CCDC97: variants seen among roughly 807,000 people sequenced by gnomAD.
CCDC97 encodes the protein coiled-coil domain-containing protein 97.
A neutral mutation model predicts 33.9 loss-of-function variants in CCDC97; 27 were observed. The observed-to-expected ratio is 0.80, with a 90% CI of 0.59 to 1.10. The LOEUF is 1.10. Among genes scored for constraint, CCDC97 ranks in the 50% least tolerant of loss-of-function variants. The probability of loss-of-function intolerance (pLI) is 0.00; values close to 1 mark genes in which losing one functional copy is unlikely to be tolerated. For missense variants in CCDC97, 422 were observed against 476.6 expected (o/e 0.89, Z 1.07); for synonymous variants, 217 against 194.0 (o/e 1.12, Z -0.99).
intron 2 of CCDC97, among the ~76,000 whole-genome samples, chr19:41,317,785 C>T (rs920337770): frequency 1.1e-4 from 16 of 150,034 alleles, no homozygotes; most frequent in African/African-American, 3.7e-4. Context: ...CACAGTCACT[C>T]AAGCCGGTGA....
chr19:41,316,933 C>A, intron 2 of CCDC97, 94 bp downstream of exon 2: 1 of 995,202 alleles, frequency 1.0e-6, no homozygotes. Context: ...AGAGCAGAGA[C>A]AGAGATCCTG....
chr19:41,319,672 C>G lies in CCDC97; in HGVS notation c.601C>G (p.Arg201Gly). Residue 201 changes from arginine to glycine, a missense_variant, in exon 3 of 5, where the codon CGC (arginine) becomes GGC (glycine). By Grantham distance (125) the Arg-to-Gly change is moderately radical (BLOSUM62 -2). Transcript: ENST00000269967. ...QYLTQEELSA[R>G]TPTHQPPKPG... ...TCTCACCCAGGAGGAGCTCAGTGCC[C>G]GCACCCCAACCCACCAGCCCCCCAA... 6.2e-7 allele frequency: 1 copy of G among 1,614,048 alleles called. No individual in the cohort carries two copies. Among genetic ancestry groups the G allele is most frequent in the Non-Finnish European group, 8.5e-7 (1 of 1,179,940 alleles).
intron 2 of CCDC97, 47 bp downstream of exon 2, chr19:41,316,886 G>A (rs1159538496): frequency 7.2e-7 from 1 of 1,394,266 alleles, no homozygotes; most frequent in East Asian, 2.3e-5. Flanking sequence ...GGGAGGGAGG[G>A]GAGACTGAGG....
Position 41,310,328 on chromosome 19 carries a change from G to A in CCDC97, c.18G>A (p.Thr6=). 1.2e-6 allele frequency: 2 copies of A among 1,606,046 alleles called. No individual in the cohort carries two copies. The highest frequency in any genetic ancestry group is 1.7e-6 in the Non-Finnish European group (2 of 1,176,684). The change falls in exon 1 of 5, where the codon ACG becomes ACA. Residue 6 remains threonine, a synonymous_variant. Coordinates refer to ENST00000269967, the MANE Select transcript of CCDC97 (RefSeq NM_052848.3). The stretch of plus-strand genomic sequence containing the variant: ...GAATCAGGATGGAGGCCGTGGCGAC[G>A]GCGACGGCGGCGAAGGAACCCGATA... MEAVA[T]ATAAKEPDKG... is the part of the protein sequence containing the mutation.
chr19:41,312,193 C>A (rs959613214), intron 1 of CCDC97, among the ~76,000 whole-genome samples: 2 of 152,184 alleles, frequency 1.3e-5, no homozygotes, highest in East Asian at 3.9e-4. Flanking sequence ...AAGTGATTCC[C>A]GTGCCTCAGC....
intron 1 of CCDC97, chr19:41,310,678 C>G: frequency 8.0e-7 from 1 of 1,256,074 alleles, no homozygotes; most frequent in Non-Finnish European, 1.0e-6. Context: ...TGCATTGCCT[C>G]AGACCAGCCC....
In CCDC97 at chr19:41,324,026, C is replaced by T. The variant is rs144300220; in HGVS notation, c.*1311C>T. 2.0e-5 allele frequency: 3 copies of T among 152,444 alleles called. No homozygotes were observed. Among genetic ancestry groups the T allele is most frequent in the East Asian group, 1.9e-4 (1 of 5,184 alleles). The allele number at this position is 152,444 out of a possible 1,614,324, so 9.4% of individuals were successfully genotyped here. A position where few individuals can be genotyped will look rare whatever the true frequency, so the allele number is the denominator to read the frequency against. ...CTGAGATGGAATGGTGGTATCCTGC[C>T]GTGGCCAAGCCTGAAGGACCCTCAA... On this transcript the variant is annotated 3_prime_UTR_variant, in exon 5 of 5. Coordinates refer to ENST00000269967, the MANE Select transcript of CCDC97 (RefSeq NM_052848.3).
At chr19:41,321,927 G>A (rs900414284) in intron 4 of CCDC97, among the ~76,000 whole-genome samples, 7 of 152,176 alleles carry the variant, frequency 4.6e-5, no homozygotes, top group Non-Finnish European at 7.3e-5. Flanking sequence ...GGCTAATCCC[G>A]GCCTCTATCC....
At chr19:41,319,280 C>T (rs1348311201) in intron 2 of CCDC97, among the ~76,000 whole-genome samples, 2 of 152,200 alleles carry the variant, frequency 1.3e-5, no homozygotes, top group South Asian at 2.1e-4. Context: ...ATCACATGCA[C>T]ATGACCTCAG....
At chr19:41,312,033 C>G in intron 1 of CCDC97, among the ~76,000 whole-genome samples, 1 of 152,236 alleles carries the variant, frequency 6.6e-6, no homozygotes, top group East Asian at 1.9e-4. Flanking sequence ...TGATTAGGGT[C>G]TGCACTGACT....
chr19:41,322,503 T>G (rs1045359154), intron 4 of CCDC97, 92 bp from the exon 5 acceptor site: 5 of 1,403,352 alleles, frequency 3.6e-6, no homozygotes, highest in Non-Finnish European at 4.9e-6. Context: ...TGCCAGCACA[T>G]GGCCTTTGAC....
intron 2 of CCDC97, among the ~76,000 whole-genome samples, chr19:41,318,380 A>T (rs1048191472): frequency 7.9e-5 from 12 of 152,208 alleles, no homozygotes; most frequent in Middle Eastern, 3.2e-3. Flanking sequence ...TGAACCCGGG[A>T]GGCGGAGGTT....
At chr19:41,318,506 T>G (rs1429438638) in intron 2 of CCDC97, among the ~76,000 whole-genome samples, 2 of 152,134 alleles carry the variant, frequency 1.3e-5, no homozygotes, top group African/African-American at 4.8e-5. Flanking sequence ...GGGGTAAGAT[T>G]GCTGGCAGGA....
At chr19:41,314,857 C>T (rs1359336601) in intron 1 of CCDC97, among the ~76,000 whole-genome samples, 1 of 152,006 alleles carries the variant, frequency 6.6e-6, no homozygotes, top group East Asian at 1.9e-4. Context: ...TAAAATTAGG[C>T]CGGGTCCAGT....
chr19:41,310,975 G>T, intron 1 of CCDC97: 4 of 588,526 alleles, frequency 6.8e-6, no homozygotes, highest in Non-Finnish European at 6.4e-6. Context: ...GCCAAGAATT[G>T]GTAATTGTGG....
chr19:41,316,374 C>T lies in CCDC97; in HGVS notation c.47-10C>T. On this transcript the variant is annotated splice_polypyrimidine_tract_variant and intron_variant, in intron 1 of 4. Transcript: ENST00000269967. ...CCATCTCTGAACTAACCAATCTCTC[C>T]TTTCCTCAGGCTGCATAGAGCCTGG... 1 of 1,602,656 alleles carries T rather than the reference C, an allele frequency of 6.2e-7. No individual in the cohort carries two copies. Among genetic ancestry groups the T allele is most frequent in the Non-Finnish European group, 8.5e-7 (1 of 1,171,016 alleles).
At chr19:41,316,328 C>T in intron 1 of CCDC97, 56 bp from the exon 2 acceptor site, 1 of 1,394,234 alleles carries the variant, frequency 7.2e-7, no homozygotes. Context: ...GTGACTAAGC[C>T]CCCAGTCCCT....
At position 41,320,483 on chromosome 19, in the gene CCDC97, C is replaced by T. The variant is rs1258281399; in HGVS notation, c.911+13C>T. The stretch of plus-strand genomic sequence containing the variant: ...ACTTTGACTACAGGTGCTCCTGTGC[C>T]TCCACCTCCCCATCCCCCAGCCCAG... On this transcript the variant is annotated intron_variant, in intron 4 of 4. Coordinates refer to ENST00000269967, the MANE Select transcript of CCDC97 (RefSeq NM_052848.3). 2.5e-6 allele frequency: 4 copies of T among 1,613,510 alleles called. No individual in the cohort carries two copies. The highest frequency in any genetic ancestry group is 1.3e-5 in the African/African-American group (1 of 74,860).
In CCDC97 at chr19:41,316,584, G is replaced by A. The variant is rs772622272; in HGVS notation, c.247G>A (p.Gly83Ser). The change falls in exon 2 of 5, where the codon GGT becomes AGT. Residue 83 changes from glycine to serine, a missense_variant. Gly to Ser is a moderately conservative substitution (Grantham distance 56). Transcript: ENST00000269967. ...CCTGCCTGTTTGCAGCCAGCAGCAGGGTGAACCCGACTTGACAGAGCATGA... is the reference window on the plus strand; with the variant it reads ...CCTGCCTGTTTGCAGCCAGCAGCAGAGTGAACCCGACTTGACAGAGCATGA... ...SRLPVCSQQQ[G>S]EPDLTEHEKV... is the part of the protein sequence containing the mutation. 3.2e-5 allele frequency: 52 copies of A among 1,614,254 alleles called. No homozygotes were observed. Among genetic ancestry groups the A allele is most frequent in the South Asian group, 1.5e-4 (14 of 91,088 alleles).
Sources: allele counts gnomAD v4.1 joint callset (sites outside exome capture counted in the v4.1 genomes callset), GRCh38; gene constraint gnomAD v4.1.1; transcripts MANE v1.5; gene names NCBI Gene and HGNC (gene_info 2026-07-23, HGNC 2026-07-21).